FAM24B: variants seen among roughly 807,000 people sequenced by gnomAD.
FAM24B encodes the protein protein FAM24B.
FAM24B carries 3 observed loss-of-function variants against 2.3 expected under a neutral mutation model. The observed-to-expected ratio is 1.29, with a 90% CI of 0.59 to 3.32. The LOEUF is 3.32. Among genes scored for constraint, FAM24B ranks in the 30% most tolerant of loss-of-function variants. The pLI is 0.03. For missense variants in FAM24B, 98 were observed against 117.2 expected, an observed-to-expected ratio of 0.84 and a Z score of 0.76; for synonymous variants, 36 against 46.3, an observed-to-expected ratio of 0.78 and a Z score of 0.90.
intron 1 of FAM24B, among the ~76,000 whole-genome samples, chr10:122,861,646 C>G (rs368380513): frequency 6.6e-6 from 1 of 152,142 alleles, no homozygotes; most frequent in Non-Finnish European, 1.5e-5. Context: ...GAATACAGAT[C>G]CTACCTAAAG....
intron 1 of FAM24B, among the ~76,000 whole-genome samples, chr10:122,856,960 A>C (rs550269860): frequency 3.2e-4 from 48 of 152,242 alleles, no homozygotes; most frequent in Non-Finnish European, 4.7e-4. Flanking sequence ...CCCTGCATTT[A>C]CATTTCATTG....
intron 1 of FAM24B, among the ~76,000 whole-genome samples, chr10:122,859,626 T>C (rs954514484): frequency 2.6e-5 from 4 of 152,220 alleles, no homozygotes; most frequent in African/African-American, 9.6e-5. Context: ...TTGTACCAAC[T>C]GTCATAGGTC....
chr10:122,867,863 A>G (rs570113544), intron 1 of FAM24B, among the ~76,000 whole-genome samples: 1 of 152,226 alleles, frequency 6.6e-6, no homozygotes, highest in African/African-American at 2.4e-5. Flanking sequence ...GAAAAACCGG[A>G]AACTCTAAAA....
intron 1 of FAM24B, among the ~76,000 whole-genome samples, chr10:122,866,280 T>A (rs1054261900): frequency 6.6e-6 from 1 of 152,140 alleles, no homozygotes; most frequent in African/African-American, 2.4e-5. Flanking sequence ...AATTTGTGTC[T>A]TTTTTAGTCT....
chr10:122,866,394 G>A (rs926891647), intron 1 of FAM24B, among the ~76,000 whole-genome samples: 10 of 151,136 alleles, frequency 6.6e-5, no homozygotes, highest in Admixed American at 3.3e-4. Context: ...TTTTTATTAC[G>A]TCTTCTCTTC....
chr10:122,869,983 C>T (rs1847865287), intron 1 of FAM24B, among the ~76,000 whole-genome samples: 1 of 152,124 alleles, frequency 6.6e-6, no homozygotes, highest in South Asian at 2.1e-4. Flanking sequence ...TCAAAAAAAT[C>T]AATGAATCCA....
At chr10:122,875,385 CTACT>C (rs1246739080) in intron 1 of FAM24B, among the ~76,000 whole-genome samples, 2 of 152,164 alleles carry the variant, frequency 1.3e-5, no homozygotes, top group African/African-American at 4.8e-5. Context: ...CTTAAATTCC[CTACT>C]TGAGAATTAC....
At chr10:122,860,693 A>C (rs1465104506) in intron 1 of FAM24B, among the ~76,000 whole-genome samples, 1 of 151,710 alleles carries the variant, frequency 6.6e-6, no homozygotes, top group African/African-American at 2.4e-5. Context: ...ATGTCAGAGG[A>C]CTTTTTTGTT....
rs777497894 is a variant in FAM24B at position 122,850,429 on chromosome 10, C to T, written c.87G>A (p.Ala29=). The T allele has an allele frequency of 2.7e-5, 44 of 1,613,226 alleles. 1 individual carries two copies. Among genetic ancestry groups the T allele is most frequent in the African/African-American group, 4.0e-5 (3 of 74,844 alleles). Residue 29 remains alanine (A), a synonymous_variant, in exon 3 of 4, where the codon GCG becomes GCA. Transcript: ENST00000368898. ...VLCLYFKIHN[A]LKAAKEPEAV... is the part of the protein sequence containing the mutation. ...ATTTTGAACTTGTGACTCACTTTAG[C>T]GCGTTGTGTATTTTGAAGTAAAGAC...
chr10:122,852,771 CT>C (rs1179351920), intron 2 of FAM24B, among the ~76,000 whole-genome samples: 3 of 152,164 alleles, frequency 2.0e-5, no homozygotes, highest in African/African-American at 7.2e-5. Flanking sequence ...TTCTTTACAG[CT>C]TGGTAACAGT....
At chr10:122,861,532 A>T (rs1440203612) in intron 1 of FAM24B, among the ~76,000 whole-genome samples, 1 of 152,214 alleles carries the variant, frequency 6.6e-6, no homozygotes, top group African/African-American at 2.4e-5. Flanking sequence ...CAAATTGGGG[A>T]GAATTGACAT....
At chr10:122,862,834 A>G (rs36212413) in intron 1 of FAM24B, among the ~76,000 whole-genome samples, 5,605 of 152,180 alleles carry the variant, frequency 0.037, 150 homozygotes, top group Middle Eastern at 0.082. Context: ...CAAATGGGAG[A>G]AACCAATTGC....
chr10:122,869,223 A>G (rs1221085841), intron 1 of FAM24B, among the ~76,000 whole-genome samples: 1 of 152,246 alleles, frequency 6.6e-6, no homozygotes, highest in Non-Finnish European at 1.5e-5. Flanking sequence ...CAATTCAACA[A>G]GAAGAACTAA....
At chr10:122,862,130 T>C (rs951536329) in intron 1 of FAM24B, among the ~76,000 whole-genome samples, 1 of 152,214 alleles carries the variant, frequency 6.6e-6, no homozygotes, top group Admixed American at 6.6e-5. Context: ...CCCCAAGACA[T>C]GTCACACCTG....
chr10:122,866,012 C>T (rs1264914766), intron 1 of FAM24B, among the ~76,000 whole-genome samples: 1 of 151,688 alleles, frequency 6.6e-6, no homozygotes, highest in Non-Finnish European at 1.5e-5. Flanking sequence ...AAGCGATTCT[C>T]CTGCCCTAGC....
intron 1 of FAM24B, among the ~76,000 whole-genome samples, chr10:122,876,213 G>A (rs1256614972): frequency 6.6e-6 from 1 of 152,058 alleles, no homozygotes; most frequent in Non-Finnish European, 1.5e-5. Flanking sequence ...TCTTCCTTAT[G>A]ACCCTTGGTC....
At chr10:122,871,182 C>G (rs940815449) in intron 1 of FAM24B, among the ~76,000 whole-genome samples, 1 of 151,796 alleles carries the variant, frequency 6.6e-6, no homozygotes, top group Admixed American at 6.6e-5. Flanking sequence ...AACTCCCATT[C>G]ACAATTGCTT....
intron 1 of FAM24B, among the ~76,000 whole-genome samples, chr10:122,870,554 T>C (rs1049938581): frequency 1.3e-5 from 2 of 152,120 alleles, no homozygotes; most frequent in Admixed American, 6.5e-5. Flanking sequence ...ACTGGCAAAC[T>C]GAATCCAGCA....
intron 1 of FAM24B, among the ~76,000 whole-genome samples, chr10:122,859,500 G>C (rs1219079398): frequency 6.6e-6 from 1 of 152,174 alleles, no homozygotes; most frequent in East Asian, 1.9e-4. Context: ...GAGGATCAAA[G>C]GCATTCCACC....
Sources: allele counts gnomAD v4.1 joint callset (sites outside exome capture counted in the v4.1 genomes callset), GRCh38; gene constraint gnomAD v4.1.1; transcripts MANE v1.5; gene names NCBI Gene and HGNC (gene_info 2026-07-23, HGNC 2026-07-21).